The following ZNF536 variants were observed in gnomAD, a reference collection of about 807,000 sequenced individuals.
ZNF536 encodes the protein zinc finger protein 536.
A neutral mutation model predicts 84.5 loss-of-function variants in ZNF536; 13 were observed. The ratio of observed to expected loss-of-function variants is 0.15; its 90% CI spans 0.10 to 0.24. The LOEUF is 0.24. Among genes scored for constraint, ZNF536 ranks in the 10% least tolerant of loss-of-function variants. The pLI is 1.00. For missense variants in ZNF536, 1,536 were observed against 1,747.5 expected (o/e 0.88, Z 2.16); for synonymous variants, 811 against 742.5 (o/e 1.09, Z -1.50).
At chr19:30,484,944 C>A (rs557290662) in intron 2 of ZNF536, among the ~76,000 whole-genome samples, 1 of 151,978 alleles carries the variant, frequency 6.6e-6, no homozygotes, top group South Asian at 2.1e-4. Flanking sequence ...GAAATCAAGA[C>A]CATCCTGGCT....
chr19:30,535,092 G>A (rs2145944038), intron 3 of ZNF536, 93 bp downstream of exon 3: 1 of 1,423,106 alleles, frequency 7.0e-7, no homozygotes, highest in Non-Finnish European at 9.5e-7. Context: ...AGCTGTGTGG[G>A]TCACTAACTC....
chr19:30,613,399 T>C (rs942917232), intron 1 of ZNF536, among the ~76,000 whole-genome samples: 4 of 152,216 alleles, frequency 2.6e-5, no homozygotes, highest in Non-Finnish European at 5.9e-5. Context: ...TTTCCCTCAA[T>C]CCTACATGTC....
chr19:30,242,782 C>A (rs905213958), intron 1 of ZNF536, among the ~76,000 whole-genome samples: 2 of 152,214 alleles, frequency 1.3e-5, no homozygotes, highest in African/African-American at 4.8e-5. Context: ...AAGTACATCT[C>A]ATGCCTGGCC....
chr19:30,382,569 A>T (rs2049063925), intron 1 of ZNF536, among the ~76,000 whole-genome samples: 1 of 149,444 alleles, frequency 6.7e-6, no homozygotes, highest in Non-Finnish European at 1.5e-5. Flanking sequence ...TGGGCAGGGA[A>T]TTTTTTTTTT....
At chr19:30,515,745 G>A (rs777044082) in intron 2 of ZNF536, among the ~76,000 whole-genome samples, 2 of 152,156 alleles carry the variant, frequency 1.3e-5, no homozygotes, top group East Asian at 1.9e-4. Flanking sequence ...TAGGCCAGGC[G>A]TGGTGGCTCA....
At chr19:30,576,639 G>A (rs899015420) in intron 1 of ZNF536, among the ~76,000 whole-genome samples, 12 of 152,310 alleles carry the variant, frequency 7.9e-5, no homozygotes, top group African/African-American at 2.6e-4. Flanking sequence ...CCACTGCCAT[G>A]CACCATCCAT....
chr19:30,498,301 A>C (rs559735981), intron 2 of ZNF536, among the ~76,000 whole-genome samples: 1 of 152,180 alleles, frequency 6.6e-6, no homozygotes. Flanking sequence ...ACATGGATGG[A>C]GCTGGAAGCC....
intron 3 of ZNF536, among the ~76,000 whole-genome samples, chr19:30,358,317 T>A (rs2048163037): frequency 6.6e-6 from 1 of 152,142 alleles, no homozygotes; most frequent in African/African-American, 2.4e-5. Context: ...CGCATTTATG[T>A]TTATGTCCAG....
intron 2 of ZNF536, among the ~76,000 whole-genome samples, chr19:30,495,241 A>C (rs1280686998): frequency 6.6e-6 from 1 of 152,234 alleles, no homozygotes; most frequent in Non-Finnish European, 1.5e-5. Context: ...TATAAGGTAT[A>C]GGCTGAGCTG....
At chr19:30,322,874 T>A (rs751325217) in intron 2 of ZNF536, among the ~76,000 whole-genome samples, 29 of 152,274 alleles carry the variant, frequency 1.9e-4, no homozygotes, top group Admixed American at 1.0e-3. Context: ...TGTGACTTCC[T>A]GGATTCCTCC....
chr19:30,477,843 AG>A (rs1311466189), intron 2 of ZNF536, among the ~76,000 whole-genome samples: 1 of 152,224 alleles, frequency 6.6e-6, no homozygotes, highest in Non-Finnish European at 1.5e-5. Flanking sequence ...CCTTCATCTC[AG>A]GGGATCCTCT....
chr19:30,445,985 C>T lies in ZNF536; in HGVS notation c.2170+253C>T, dbSNP rs571241302. On this transcript the variant is annotated intron_variant, in intron 2 of 4. Transcript: ENST00000355537. The surrounding 1 kb of genome is among the most constrained non-coding windows in gnomAD (Gnocchi z 4.5). ...AGTTGAGGCCGGGTGTGGTGGCTCA[C>T]GCCTGTAATCCCAGCACTTTGGGCG... is the stretch of plus-strand genomic sequence containing the variant. Among the ~76,000 whole-genome samples, 6 of 152,030 alleles carry T rather than the reference C, an allele frequency of 3.9e-5. No individual in the cohort carries two copies. The highest frequency in any genetic ancestry group is 5.9e-5 in the Non-Finnish European group (4 of 68,000).
chr19:30,500,752 G>A (rs1200383586), intron 2 of ZNF536, among the ~76,000 whole-genome samples: 2 of 152,262 alleles, frequency 1.3e-5, no homozygotes, highest in Admixed American at 6.5e-5. Flanking sequence ...GATGTGGGAT[G>A]GACATGAGTC....
chr19:30,243,447 G>A (rs2024073261), intron 1 of ZNF536, among the ~76,000 whole-genome samples: 1 of 152,178 alleles, frequency 6.6e-6, no homozygotes, highest in Non-Finnish European at 1.5e-5. Context: ...ATTGCAGTCT[G>A]TAGTAAGAAT....
At chr19:30,283,744 A>AGAGG (rs1555710355) in intron 1 of ZNF536, among the ~76,000 whole-genome samples, 2 of 90,652 alleles carry the variant, frequency 2.2e-5, no homozygotes, top group Admixed American at 2.2e-4. Flanking sequence ...AGAGAGAGGG[A>AGAGG]GAGAGAGAGA....
rs773199704 is a variant in ZNF536, at chr19:30,333,815, G to A, written c.-119-18553G>A. Among the ~76,000 whole-genome samples, 17 of 152,190 alleles carry A rather than the reference G, an allele frequency of 1.1e-4. No individual in the cohort carries two copies. The South Asian group carries it at 1.2e-3, about 11-fold the overall frequency. On this transcript the variant is annotated intron_variant, in intron 2 of 5. Transcript: ENST00000585628. ...TGCCTGTGTTGACACATCTATTCTC[G>A]CCCTAATGATATGTTTATTTAACTG...
intron 1 of ZNF536, among the ~76,000 whole-genome samples, chr19:30,378,973 C>T (rs930115279): frequency 5.3e-5 from 8 of 152,108 alleles, no homozygotes; most frequent in African/African-American, 1.9e-4. Context: ...TCCCAGAGTC[C>T]CAGGCATAAG....
Position 30,678,242 on chromosome 19 carries a change from G to A in ZNF536, c.170-32515G>A, listed in dbSNP as rs547070430. Among the ~76,000 whole-genome samples the A allele has an allele frequency of 3.3e-5, 5 of 152,308 alleles. No individual in the cohort carries two copies. The South Asian group carries it at 1.0e-3, about 32-fold the overall frequency. On this transcript the variant is annotated intron_variant, in intron 1 of 1. Coordinates refer to the ZNF536 transcript ENST00000592773. ...CAAAAGGCTGGGCCGGGTTATGGCC[G>A]CTGGCTGGGAGATGCTCAGGATGCG...
Position 30,444,221 on chromosome 19 carries a change from C to T in ZNF536, c.659C>T (p.Pro220Leu), listed in dbSNP as rs2148174397. Reference sequence around the variant, plus strand: ...CAGCTGAAAGGCAGCCTGCTGCAGCCCCGGCCGGACCTGAAGCCCCCGCCG... The same window carrying T: ...CAGCTGAAAGGCAGCCTGCTGCAGCTCCGGCCGGACCTGAAGCCCCCGCCG... ...DKQLKGSLLQ[P>L]RPDLKPPPHA... Residue 220 changes from proline (P) to leucine (L), a missense_variant, in exon 2 of 5, where the codon CCC becomes CTC. Physicochemically the swap from Pro to Leu is moderately conservative, Grantham distance 98 (BLOSUM62 -3). Coordinates refer to ENST00000355537, the MANE Select transcript of ZNF536 (RefSeq NM_014717.3). The T allele has an allele frequency of 1.3e-6, 2 of 1,544,866 alleles. No homozygotes were observed. The highest frequency in any genetic ancestry group is 1.9e-5 in the Admixed American group (1 of 51,646).
Sources: gnomAD v4.1 joint callset for allele counts (sites outside exome capture counted in the v4.1 genomes callset) on GRCh38, gnomAD v4.1.1 for gene constraint, Gnocchi (gnomAD v3.1) non-coding constraint, MANE v1.5 for transcripts, NCBI Gene and HGNC (gene_info 2026-07-23, HGNC 2026-07-21) for gene names.